FHIT: variants seen among roughly 807,000 people sequenced by gnomAD.
FHIT encodes fragile histidine triad diadenosine triphosphatase.
In FHIT, 19 loss-of-function variants were observed where a neutral mutation model predicts 17.9. The observed-to-expected ratio is 1.06, with a 90% CI of 0.74 to 1.56. The LOEUF is 1.56. Among genes scored for constraint, FHIT ranks in the 40% most tolerant of loss-of-function variants. FHIT has a pLI of 0.00. For missense variants in FHIT, 248 were observed against 189.2 expected (o/e 1.31, Z -1.82); for synonymous variants, 81 against 69.7 (o/e 1.16, Z -0.81).
In FHIT at chr3:59,967,173, G is replaced by T. The variant is rs149697883; in HGVS notation, c.279+44198C>A. On this transcript the variant is annotated intron_variant, in intron 7 of 9. Transcript: ENST00000492590. ...CTTCAGGGGCACTCACCATGGAGCC[G>T]TCTTCTCCTATGATAACAATGCATT... Among the ~76,000 whole-genome samples the T allele has an allele frequency of 6.2e-3, 939 of 152,160 alleles. 13 individuals carry two copies. Among genetic ancestry groups the T allele is most frequent in the East Asian group, 0.031 (161 of 5,170 alleles).
chr3:60,153,189 T>G (rs1576211209), intron 5 of FHIT, among the ~76,000 whole-genome samples: 1 of 152,140 alleles, frequency 6.6e-6, no homozygotes, highest in African/African-American at 2.4e-5. Context: ...TGACTCTGTT[T>G]TCCAGATGCA....
Position 61,116,243 on chromosome 3 carries a change from T to G in FHIT, c.-163-74144A>C, listed in dbSNP as rs1183721212. ...TGATTTTTAAAGCCTCGTCTAGTAC[T>G]TTAAAAATTCATGCAAATTTTGCAT... On this transcript the variant is annotated intron_variant, in intron 2 of 9. Transcript: ENST00000492590. Among the ~76,000 whole-genome samples, 4 of 152,144 alleles carry G rather than the reference T, an allele frequency of 2.6e-5. No individual in the cohort carries two copies. The East Asian group carries it at 5.8e-4, about 22-fold the overall frequency.
intron 3 of FHIT, among the ~76,000 whole-genome samples, chr3:60,978,115 T>C (rs763211333): frequency 6.6e-6 from 1 of 152,204 alleles, no homozygotes; most frequent in Non-Finnish European, 1.5e-5. Flanking sequence ...TATGATTGTC[T>C]TGTCAGTTAA....
At chr3:60,504,351 T>C (rs997774808) in intron 5 of FHIT, among the ~76,000 whole-genome samples, 1 of 152,040 alleles carries the variant, frequency 6.6e-6, no homozygotes, top group African/African-American at 2.4e-5. Flanking sequence ...GGAGAATCAC[T>C]TGAACCTGGG....
chr3:60,019,415 C>CTTTTTTTTTTTTTTTTTTTTTTT lies in FHIT; in HGVS notation c.104-5264_104-5263insAAAAAAAAAAAAAAAAAAAAAAA, dbSNP rs1281567026. On this transcript the variant is annotated intron_variant, in intron 5 of 9. Coordinates refer to ENST00000492590, the MANE Select transcript of FHIT (RefSeq NM_002012.4). Reference sequence around the variant, plus strand: ...ATGGCATTTTAGAGTTGAGATGCTCCTTTTTTTTTTTTTTTTTCCTGAGAT... The same window carrying CTTTTTTTTTTTTTTTTTTTTTTT: ...ATGGCATTTTAGAGTTGAGATGCTCCTTTTTTTTTTTTTTTTTTTTTTTTTTTTTTTTTTTTTTTTCCTGAGAT... Among the ~76,000 whole-genome samples the CTTTTTTTTTTTTTTTTTTTTTTT allele has an allele frequency of 4.4e-3, 528 of 120,998 alleles. 17 individuals carry two copies. The highest frequency in any genetic ancestry group is 6.7e-3 in the South Asian group (22 of 3,268). 79.4% of individuals were successfully genotyped at this position (120,998 alleles called of 152,430 possible). A position where few individuals can be genotyped will look rare whatever the true frequency, so the allele number is the denominator to read the frequency against.
chr3:60,507,126 A>G, intron 5 of FHIT, among the ~76,000 whole-genome samples: 1 of 152,212 alleles, frequency 6.6e-6, no homozygotes, highest in African/African-American at 2.4e-5. Flanking sequence ...AGAACATATA[A>G]TAAAGGAAAG....
intron 3 of FHIT, among the ~76,000 whole-genome samples, chr3:60,900,791 G>A (rs529541167): frequency 4.6e-5 from 7 of 151,928 alleles, no homozygotes; most frequent in African/African-American, 1.7e-4. Context: ...TTATTTTTAT[G>A]TTTTGAGATA....
intron 5 of FHIT, among the ~76,000 whole-genome samples, chr3:60,346,396 C>T (rs955422997): frequency 5.9e-5 from 9 of 152,160 alleles, no homozygotes; most frequent in African/African-American, 1.9e-4. Flanking sequence ...AATGACAGCT[C>T]TTGTCAACTG....
chr3:60,493,003 G>C (rs898876592), intron 5 of FHIT, among the ~76,000 whole-genome samples: 1 of 152,110 alleles, frequency 6.6e-6, no homozygotes, highest in African/African-American at 2.4e-5. Context: ...CACAGTACAT[G>C]TATACCCACT....
chr3:60,067,469 G>C (rs1371979971), intron 5 of FHIT, among the ~76,000 whole-genome samples: 1 of 152,086 alleles, frequency 6.6e-6, no homozygotes, highest in Non-Finnish European at 1.5e-5. Flanking sequence ...CATTTAACTG[G>C]GAAAAGTAAA....
chr3:60,362,454 T>A (rs934810865), intron 5 of FHIT, among the ~76,000 whole-genome samples: 4 of 152,190 alleles, frequency 2.6e-5, no homozygotes, highest in African/African-American at 9.7e-5. Flanking sequence ...CAAATTAATT[T>A]ATCTCACCAC....
chr3:59,875,206 T>C (rs1388149411), intron 8 of FHIT, among the ~76,000 whole-genome samples: 2 of 152,196 alleles, frequency 1.3e-5, no homozygotes, highest in African/African-American at 4.8e-5. Context: ...CAGCCTATGA[T>C]TTTGAATGCT....
At chr3:60,212,387 T>C (rs917708168) in intron 5 of FHIT, among the ~76,000 whole-genome samples, 4 of 152,078 alleles carry the variant, frequency 2.6e-5, no homozygotes, top group Non-Finnish European at 4.4e-5. Context: ...AGGGTATTTG[T>C]TGGATTTAAA....
intron 5 of FHIT, among the ~76,000 whole-genome samples, chr3:60,461,740 C>T (rs1378393291): frequency 6.6e-6 from 1 of 152,178 alleles, no homozygotes; most frequent in Non-Finnish European, 1.5e-5. Flanking sequence ...AGCAGACCAT[C>T]ATTATTTAGG....
chr3:60,868,433 T>G (rs1268638109), intron 3 of FHIT, among the ~76,000 whole-genome samples: 1 of 152,190 alleles, frequency 6.6e-6, no homozygotes. Flanking sequence ...ATATTACACT[T>G]ACTGCTCTCC....
intron 5 of FHIT, among the ~76,000 whole-genome samples, chr3:60,070,492 T>G (rs1200370297): frequency 6.6e-6 from 1 of 152,218 alleles, no homozygotes; most frequent in Admixed American, 6.5e-5. Context: ...ATAAGACTTT[T>G]TGAGTTATCT....
intron 5 of FHIT, among the ~76,000 whole-genome samples, chr3:60,185,400 T>A (rs1702116519): frequency 6.6e-6 from 1 of 152,230 alleles, no homozygotes; most frequent in Admixed American, 6.5e-5. Context: ...CAGACTAGCT[T>A]CTTTCCTTAG....
chr3:60,828,206 T>A (rs191751723), intron 3 of FHIT, among the ~76,000 whole-genome samples: 1 of 152,324 alleles, frequency 6.6e-6, no homozygotes, highest in African/African-American at 2.4e-5. Context: ...AGAATTCACC[T>A]TTTTTAACAT....
intron 3 of FHIT, among the ~76,000 whole-genome samples, chr3:60,935,517 T>A (rs1452753111): frequency 2.6e-5 from 4 of 152,222 alleles, no homozygotes; most frequent in African/African-American, 9.6e-5. Context: ...GGAAATAAGC[T>A]GCAGTTCATT....
Sources: gnomAD v4.1 joint callset for allele counts (sites outside exome capture counted in the v4.1 genomes callset) on GRCh38, gnomAD v4.1.1 for gene constraint, MANE v1.5 for transcripts, NCBI Gene and HGNC (gene_info 2026-07-23, HGNC 2026-07-21) for gene names.